VRK2: variants seen among roughly 807,000 people sequenced by gnomAD.
VRK2 encodes VRK serine/threonine kinase 2.
VRK2 carries 60 observed loss-of-function variants against 57.6 expected under a neutral mutation model. That is an observed-to-expected ratio of 1.04 (90% CI 0.85 to 1.29). The LOEUF is 1.29. Ranked by LOEUF, VRK2 falls within the 50% of genes most tolerant of loss-of-function variation. The probability of loss-of-function intolerance (pLI) is 0.00; values close to 1 mark genes in which losing one functional copy is unlikely to be tolerated. For synonymous variants in VRK2, 231 were observed against 199.2 expected (o/e 1.16, Z -1.35); for missense variants, 705 against 588.1 (o/e 1.20, Z -2.06).
At chr2:58,130,253 G>T (rs1678988763) in intron 8 of VRK2, among the ~76,000 whole-genome samples, 1 of 152,134 alleles carries the variant, frequency 6.6e-6, no homozygotes, top group Non-Finnish European at 1.5e-5. Flanking sequence ...GAGGATATGA[G>T]ATTTTTTAAG....
intron 7 of VRK2, among the ~76,000 whole-genome samples, chr2:58,092,838 G>A (rs952047488): frequency 2.0e-5 from 3 of 152,012 alleles, no homozygotes; most frequent in Admixed American, 6.6e-5. Flanking sequence ...GACAGGCCCC[G>A]GTGTGTGTTG....
chr2:58,069,131 T>A (rs565089432), intron 2 of VRK2, among the ~76,000 whole-genome samples: 31 of 152,286 alleles, frequency 2.0e-4, no homozygotes, highest in Admixed American at 1.6e-3. Flanking sequence ...AGAATTTGGG[T>A]CTCTTATTTC....
At position 58,106,678 on chromosome 2, in the gene VRK2, C is replaced by A. The variant is rs563455216; in HGVS notation, c.544-16423C>A. On this transcript the variant is annotated intron_variant, in intron 7 of 12. Transcript: ENST00000340157. ...AAATATGAATAGATAGTTATAAGAT[C>A]TAGGAGGAAAAAATGATCCAACATA... Among the ~76,000 whole-genome samples the A allele has an allele frequency of 8.6e-5, 13 of 151,858 alleles. No individual in the cohort carries two copies. The East Asian group carries it at 2.5e-3, about 29-fold the overall frequency.
chr2:58,057,620 T>C (rs1441574223), intron 2 of VRK2, among the ~76,000 whole-genome samples: 1 of 152,170 alleles, frequency 6.6e-6, no homozygotes, highest in East Asian at 1.9e-4. Flanking sequence ...GACTTATGTA[T>C]GTATGCATGT....
chr2:58,046,641 C>T, upstream of VRK2: 1 of 985,556 alleles, frequency 1.0e-6, no homozygotes, highest in Non-Finnish European at 1.2e-6. Flanking sequence ...GTCTCCGGGG[C>T]GTGGACAGGC....
intron 1 of VRK2, among the ~76,000 whole-genome samples, chr2:57,988,320 C>A (rs1672662971): frequency 1.3e-5 from 2 of 152,132 alleles, no homozygotes; most frequent in East Asian, 3.8e-4. Context: ...TTATCTTCAG[C>A]AATGAGTCAA....
At chr2:57,908,377 C>G (rs961995445) in intron 1 of VRK2, among the ~76,000 whole-genome samples, 2 of 152,130 alleles carry the variant, frequency 1.3e-5, no homozygotes, top group Admixed American at 1.3e-4. Flanking sequence ...ACTACTTATG[C>G]TCTGGACTTA....
intron 1 of VRK2, among the ~76,000 whole-genome samples, chr2:57,945,622 G>C (rs1049089069): frequency 6.6e-6 from 1 of 151,064 alleles, no homozygotes; most frequent in Non-Finnish European, 1.5e-5. Flanking sequence ...TAAAAAAATG[G>C]CTTTTTAACT....
At chr2:58,096,667 C>T (rs557889435) in intron 7 of VRK2, among the ~76,000 whole-genome samples, 72 of 151,770 alleles carry the variant, frequency 4.7e-4, no homozygotes, top group Non-Finnish European at 8.0e-4. Context: ...CAACAAAGTT[C>T]AATTTTGACT....
upstream of VRK2, chr2:58,046,641 C>A (rs1674781406): frequency 1.2e-5 from 12 of 985,556 alleles, no homozygotes; most frequent in Middle Eastern, 5.2e-4. Context: ...GTCTCCGGGG[C>A]GTGGACAGGC....
chr2:57,967,740 A>G (rs1671968432), intron 1 of VRK2, among the ~76,000 whole-genome samples: 1 of 150,570 alleles, frequency 6.6e-6, no homozygotes, highest in Non-Finnish European at 1.5e-5. Flanking sequence ...GATGATTTGT[A>G]TAGTTATTTT....
intron 2 of VRK2, among the ~76,000 whole-genome samples, chr2:58,081,624 G>A (rs1009627684): frequency 6.6e-6 from 1 of 151,664 alleles, no homozygotes; most frequent in South Asian, 2.1e-4. Context: ...AAACTGTAAG[G>A]TTAATCACTT....
intron 1 of VRK2, among the ~76,000 whole-genome samples, chr2:57,921,827 T>G (rs527458684): frequency 3.3e-5 from 5 of 152,234 alleles, no homozygotes; most frequent in African/African-American, 1.2e-4. Context: ...TGGTCAGCAT[T>G]CTGGATGATT....
chr2:58,067,723 C>T (rs1049151222), intron 2 of VRK2, among the ~76,000 whole-genome samples: 23 of 152,118 alleles, frequency 1.5e-4, no homozygotes, highest in African/African-American at 5.1e-4. Flanking sequence ...TTGAAAATCC[C>T]TTCAGTTCAT....
At chr2:58,050,514 C>CTA (rs1389027142) in intron 2 of VRK2, among the ~76,000 whole-genome samples, 5 of 152,180 alleles carry the variant, frequency 3.3e-5, no homozygotes, top group Non-Finnish European at 7.4e-5. Context: ...TGTGGCTGAG[C>CTA]TATAGCCTTG....
chr2:58,139,672 T>C lies in VRK2; in HGVS notation c.863T>C (p.Ile288Thr). The change falls in exon 11 of 13, where the codon ATA becomes ACA. Residue 288 changes from isoleucine (I) to threonine (T), a missense_variant. Transcript: ENST00000340157. ...AAAATTTAATAATTCACAGGTGAAATAGCCCAATTTTTGGTATGTGCTCAT... is the reference window on the plus strand; with the variant it reads ...AAAATTTAATAATTCACAGGTGAAACAGCCCAATTTTTGGTATGTGCTCAT... ...WAPSGSSCCE[I>T]AQFLVCAHSL... The C allele has an allele frequency of 6.2e-7, 1 of 1,610,624 alleles. No individual in the cohort carries two copies. Among genetic ancestry groups the C allele is most frequent in the Non-Finnish European group, 8.5e-7 (1 of 1,178,560 alleles).
At chr2:57,926,509 G>GTATATATATATAGTGTGTT (rs1187284741) in intron 1 of VRK2, among the ~76,000 whole-genome samples, 2 of 149,720 alleles carry the variant, frequency 1.3e-5, no homozygotes, top group African/African-American at 2.5e-5. Flanking sequence ...TATAGTGTGT[G>GTATATATATATAGTGTGTT]TATATATATA....
At chr2:57,953,319 T>A (rs1671484157) in intron 1 of VRK2, among the ~76,000 whole-genome samples, 1 of 152,204 alleles carries the variant, frequency 6.6e-6, no homozygotes, top group Non-Finnish European at 1.5e-5. Flanking sequence ...ATTTTGAGCA[T>A]TTGTCATAAC....
At chr2:58,149,262 A>G (rs1682634707) in intron 12 of VRK2, among the ~76,000 whole-genome samples, 1 of 151,660 alleles carries the variant, frequency 6.6e-6, no homozygotes, top group African/African-American at 2.4e-5. Context: ...AATATTTTTG[A>G]TCCCATTTTA....
Sources: gnomAD v4.1 joint callset for allele counts (sites outside exome capture counted in the v4.1 genomes callset) on GRCh38, gnomAD v4.1.1 for gene constraint, MANE v1.5 for transcripts, NCBI Gene and HGNC (gene_info 2026-07-23, HGNC 2026-07-21) for gene names.